The following SENP5 variants were observed in gnomAD, a reference collection of about 807,000 sequenced individuals.
SENP5 encodes the protein SUMO specific peptidase 5, also known as sentrin-specific protease 5.
Under a neutral mutation model 74.2 loss-of-function variants are expected in SENP5, and 21 were observed. That is an observed-to-expected ratio of 0.28 (90% CI 0.20 to 0.41). The LOEUF is 0.41. SENP5 is among the 10% of genes least tolerant of loss of function. SENP5 has a pLI of 1.00. For missense variants in SENP5, 717 were observed against 889.1 expected (o/e 0.81, Z 2.46); for synonymous variants, 311 against 312.7 (o/e 0.99, Z 0.06).
chr3:196,891,992 G>T (rs902741290), intron 2 of SENP5, among the ~76,000 whole-genome samples: 1 of 151,522 alleles, frequency 6.6e-6, no homozygotes, highest in African/African-American at 2.4e-5. Flanking sequence ...GGGTTTCACT[G>T]TGTTAGCCAG....
At chr3:196,876,176 C>T (rs773537343) in intron 1 of SENP5, among the ~76,000 whole-genome samples, 1 of 152,094 alleles carries the variant, frequency 6.6e-6, no homozygotes, top group Non-Finnish European at 1.5e-5. Flanking sequence ...TTACACCCTC[C>T]TTAATATATT....
intron 2 of SENP5, among the ~76,000 whole-genome samples, chr3:196,896,485 C>T (rs147380193): frequency 2.0e-5 from 3 of 151,998 alleles, no homozygotes; most frequent in Non-Finnish European, 4.4e-5. Context: ...GATGAGGTCT[C>T]GCTCTGTTGC....
Position 196,885,159 on chromosome 3 carries a change from A to C in SENP5, c.-23A>C. The C allele has an allele frequency of 6.4e-7, 1 of 1,560,752 alleles. No homozygotes were observed. The highest frequency in any genetic ancestry group is 8.8e-7 in the Non-Finnish European group (1 of 1,140,298). On this transcript the variant is annotated 5_prime_UTR_variant, in exon 2 of 10. Coordinates refer to ENST00000323460, the MANE Select transcript of SENP5 (RefSeq NM_152699.5). ...ACTTCTCTTCTTTACAGCTGCATCC[A>C]GATCTCATTATGCATCAGAAAAATG...
chr3:196,931,024 A>G lies in SENP5; in HGVS notation c.*101A>G. ...TGAATTTTTACAGATATTTCAGATCAGTGGTGTTGGGCCACTATTGTTACC... is the reference window on the plus strand; with the variant it reads ...TGAATTTTTACAGATATTTCAGATCGGTGGTGTTGGGCCACTATTGTTACC... On this transcript the variant is annotated 3_prime_UTR_variant, in exon 10 of 10. Transcript: ENST00000323460. 1.3e-6 allele frequency: 1 copy of G among 765,472 alleles called. No homozygotes were observed. The allele number at this position is 765,472 out of a possible 1,614,324, so 47.4% of individuals were successfully genotyped here.
intron 1 of SENP5, among the ~76,000 whole-genome samples, chr3:196,879,722 G>A (rs1713639039): frequency 2.0e-5 from 3 of 152,076 alleles, no homozygotes; most frequent in South Asian, 2.1e-4. Context: ...TGCATGGGAG[G>A]TAAATATTTT....
chr3:196,919,035 T>C (rs1192552538), intron 6 of SENP5, among the ~76,000 whole-genome samples: 4 of 152,150 alleles, frequency 2.6e-5, no homozygotes, highest in Non-Finnish European at 5.9e-5. Context: ...CACCCAGATA[T>C]ATAAAGCAAA....
chr3:196,910,822 A>G (rs1715093810), intron 6 of SENP5, among the ~76,000 whole-genome samples: 1 of 152,180 alleles, frequency 6.6e-6, no homozygotes, highest in Admixed American at 6.6e-5. Context: ...ACTTCAAACT[A>G]TACTACAAGG....
At chr3:196,897,584 C>CT (rs1383252686) in intron 2 of SENP5, among the ~76,000 whole-genome samples, 1 of 152,212 alleles carries the variant, frequency 6.6e-6, no homozygotes, top group Non-Finnish European at 1.5e-5. Flanking sequence ...TTGTCTGTCT[C>CT]TCCCCTCATA....
At chr3:196,927,591 A>G (rs182165800) in intron 7 of SENP5, among the ~76,000 whole-genome samples, 1 of 151,228 alleles carries the variant, frequency 6.6e-6, no homozygotes, top group Non-Finnish European at 1.5e-5. Flanking sequence ...AGCTATGATC[A>G]CGCCATTGTA....
intron 1 of SENP5, among the ~76,000 whole-genome samples, chr3:196,871,990 T>C (rs1269218522): frequency 6.6e-6 from 1 of 152,204 alleles, no homozygotes. Flanking sequence ...ATTTAAGCAG[T>C]CTGCCCGCCT....
intron 1 of SENP5, among the ~76,000 whole-genome samples, chr3:196,878,234 T>C (rs1179880408): frequency 2.0e-5 from 3 of 152,204 alleles, no homozygotes; most frequent in Non-Finnish European, 4.4e-5. Flanking sequence ...TGTCCTGTAC[T>C]GTGGAGGTGG....
At chr3:196,905,235 A>G (rs968218637) in intron 6 of SENP5, 1 of 152,172 alleles carries the variant, frequency 6.6e-6, no homozygotes, top group African/African-American at 2.4e-5. Flanking sequence ...TTATGTGCCT[A>G]TATGGAAAAA....
At chr3:196,869,376 G>T (rs921431726) in intron 1 of SENP5, among the ~76,000 whole-genome samples, 1 of 150,740 alleles carries the variant, frequency 6.6e-6, no homozygotes, top group African/African-American at 2.4e-5. Context: ...GCTAATTTTT[G>T]TATTTTTAGT....
Position 196,886,456 on chromosome 3 carries a change from A to G in SENP5, c.1275A>G (p.Val425=), listed in dbSNP as rs1430080508. 6.2e-7 allele frequency: 1 copy of G among 1,610,620 alleles called. No individual in the cohort carries two copies. Among genetic ancestry groups the G allele is most frequent in the Admixed American group, 1.7e-5 (1 of 59,684 alleles). ...VSGADTSVSS[V]DGPVSQKAVQ... ...GAGCAGATACATCTGTGAGTAGCGT[A>G]GATGGGCCTGTGTCCCAAAAGGCTG... The change falls in exon 2 of 10, where the codon GTA becomes GTG. Residue 425 remains valine, a synonymous_variant. Transcript: ENST00000323460.
At chr3:196,908,040 A>G (rs189829260) in intron 6 of SENP5, among the ~76,000 whole-genome samples, 5 of 152,192 alleles carry the variant, frequency 3.3e-5, no homozygotes. Context: ...GAGGCCTAAA[A>G]TTACTGTAGA....
At chr3:196,880,785 T>G (rs1351174598) in intron 1 of SENP5, among the ~76,000 whole-genome samples, 1 of 151,174 alleles carries the variant, frequency 6.6e-6, no homozygotes, top group African/African-American at 2.4e-5. Flanking sequence ...GGATTACAGG[T>G]ATGTGCCACC....
intron 1 of SENP5, among the ~76,000 whole-genome samples, chr3:196,875,512 C>T (rs550289948): frequency 1.3e-5 from 2 of 152,242 alleles, no homozygotes; most frequent in East Asian, 3.9e-4. Context: ...TCTTCTGTTC[C>T]TCATCTACCC....
chr3:196,925,739 G>A (rs1286208085), intron 7 of SENP5, among the ~76,000 whole-genome samples: 4 of 152,186 alleles, frequency 2.6e-5, no homozygotes, highest in African/African-American at 9.7e-5. Flanking sequence ...GCCTGGTTCT[G>A]CACAGTAATA....
At chr3:196,899,627 G>C (rs775727606) in intron 2 of SENP5, 39 bp from the exon 3 acceptor site, 11 of 1,345,082 alleles carry the variant, frequency 8.2e-6, no homozygotes, top group Non-Finnish European at 1.2e-5. Flanking sequence ...AAAATGGCTT[G>C]TTTTTCCATC....
Sources: allele counts gnomAD v4.1 joint callset (sites outside exome capture counted in the v4.1 genomes callset), GRCh38; gene constraint gnomAD v4.1.1; transcripts MANE v1.5; gene names NCBI Gene and HGNC (gene_info 2026-07-23, HGNC 2026-07-21).